The following TMEM132D variants were observed in gnomAD, a reference collection of about 807,000 sequenced individuals.
The protein encoded by TMEM132D is mature OL transmembrane protein.
TMEM132D carries 21 observed loss-of-function variants against 62.3 expected under a neutral mutation model. The ratio of observed to expected loss-of-function variants is 0.34; its 90% CI spans 0.24 to 0.49. TMEM132D has a LOEUF of 0.49. Among genes scored for constraint, TMEM132D ranks in the 20% least tolerant of loss-of-function variants. The probability of loss-of-function intolerance (pLI) is 0.99; values close to 1 mark genes in which losing one functional copy is unlikely to be tolerated. For missense variants in TMEM132D, 1,346 were observed against 1,402.8 expected, an observed-to-expected ratio of 0.96 and a Z score of 0.65; for synonymous variants, 621 against 575.6, an observed-to-expected ratio of 1.08 and a Z score of -1.13.
intron 3 of TMEM132D, among the ~76,000 whole-genome samples, chr12:129,415,384 A>G (rs1327971600): frequency 6.6e-6 from 1 of 152,190 alleles, no homozygotes; most frequent in African/African-American, 2.4e-5. Flanking sequence ...GTGAGGGGCT[A>G]TCTCATAGTA....
chr12:129,796,751 G>A (rs1028712102), intron 1 of TMEM132D, among the ~76,000 whole-genome samples: 2 of 152,074 alleles, frequency 1.3e-5, no homozygotes. Flanking sequence ...TAAGGGGAGG[G>A]GTAGCATTAG....
chr12:129,897,667 T>G lies in TMEM132D; in HGVS notation c.79+5594A>C, dbSNP rs1253832661. Among the ~76,000 whole-genome samples, 5 of 152,254 alleles carry G rather than the reference T, an allele frequency of 3.3e-5. No homozygotes were observed. In the East Asian group the frequency reaches 9.6e-4, roughly 29 times the overall value. On this transcript the variant is annotated intron_variant, in intron 1 of 8. Coordinates refer to ENST00000422113, the MANE Select transcript of TMEM132D (RefSeq NM_133448.3). ...CCTCCCTGGTGGTCTTGGAAGTAAA[T>G]CCCCATTTTAATCCCTTTCAGGTGT... is the stretch of plus-strand genomic sequence containing the variant.
At chr12:129,220,021 T>C (rs958236719) in intron 4 of TMEM132D, among the ~76,000 whole-genome samples, 2 of 152,214 alleles carry the variant, frequency 1.3e-5, no homozygotes, top group African/African-American at 4.8e-5. Context: ...TTTCTCATCA[T>C]ATTTACCCAT....
At chr12:129,645,532 T>A (rs1484790408) in intron 2 of TMEM132D, among the ~76,000 whole-genome samples, 1 of 152,218 alleles carries the variant, frequency 6.6e-6, no homozygotes, top group Non-Finnish European at 1.5e-5. Flanking sequence ...GGGGCCAATT[T>A]CTATGGCCCT....
At chr12:129,881,783 G>C (rs1874605113) in intron 1 of TMEM132D, among the ~76,000 whole-genome samples, 1 of 151,790 alleles carries the variant, frequency 6.6e-6, no homozygotes, top group Admixed American at 6.6e-5. Flanking sequence ...AATAGTATTA[G>C]AGCAGAAATC....
chr12:129,506,303 A>T (rs900065049), intron 3 of TMEM132D, among the ~76,000 whole-genome samples: 3 of 152,176 alleles, frequency 2.0e-5, no homozygotes, highest in Non-Finnish European at 4.4e-5. Context: ...TTACAAATTG[A>T]ATGCAATTCC....
chr12:129,653,653 T>C (rs765610774), intron 2 of TMEM132D, among the ~76,000 whole-genome samples: 5 of 152,214 alleles, frequency 3.3e-5, no homozygotes, highest in Non-Finnish European at 7.3e-5. Context: ...CCAACCCTTA[T>C]TGTTGTCATT....
intron 4 of TMEM132D, among the ~76,000 whole-genome samples, chr12:129,330,601 G>A (rs893617874): frequency 6.6e-6 from 1 of 152,188 alleles, no homozygotes; most frequent in African/African-American, 2.4e-5. Context: ...GGCATTGTAA[G>A]AGGAGGCAGA....
At chr12:129,558,772 G>A (rs1479147212) in intron 2 of TMEM132D, among the ~76,000 whole-genome samples, 2 of 152,172 alleles carry the variant, frequency 1.3e-5, no homozygotes, top group Non-Finnish European at 2.9e-5. Flanking sequence ...GACTGGAGAA[G>A]CGTTGCATTT....
chr12:129,578,519 A>T (rs551225423), intron 2 of TMEM132D, among the ~76,000 whole-genome samples: 1 of 151,910 alleles, frequency 6.6e-6, no homozygotes, highest in Non-Finnish European at 1.5e-5. Context: ...ACATGCGCAC[A>T]CACACACATA....
chr12:129,847,693 C>G (rs1044843418), intron 1 of TMEM132D, among the ~76,000 whole-genome samples: 1 of 152,130 alleles, frequency 6.6e-6, no homozygotes, highest in African/African-American at 2.4e-5. Context: ...TTTGACCTCC[C>G]TGCAGAACGG....
At position 129,074,024 on chromosome 12, in the gene TMEM132D, T is replaced by A. The variant is rs1874162857; in HGVS notation, c.3151A>T (p.Thr1051Ser). Reference sequence around the variant, plus strand: ...TACTCGTCGTCTGAGGAGACGGCGGTGAAGGTGGTAAATTTTACCCTTTTC... The same window carrying A: ...TACTCGTCGTCTGAGGAGACGGCGGAGAAGGTGGTAAATTTTACCCTTTTC... ...KRKRVKFTTF[T>S]AVSSDDEYPT... The change falls in exon 9 of 9, where the codon ACC becomes TCC. Residue 1051 changes from threonine to serine, a missense_variant. Physicochemically the swap from Thr to Ser is moderately conservative, Grantham distance 58. Transcript: ENST00000422113. 6.2e-7 allele frequency: 1 copy of A among 1,613,992 alleles called. No homozygotes were observed. The highest frequency in any genetic ancestry group is 8.5e-7 in the Non-Finnish European group (1 of 1,179,938).
rs1463915682 is a variant in TMEM132D, at chr12:129,189,623, A to C, written c.1443+19897T>G. 3.3e-5 allele frequency among the ~76,000 whole-genome samples: 5 copies of C among 152,176 alleles called. No homozygotes were observed. In the East Asian group the frequency reaches 9.6e-4, roughly 29 times the overall value. On this transcript the variant is annotated intron_variant, in intron 5 of 8. Coordinates refer to ENST00000422113, the MANE Select transcript of TMEM132D (RefSeq NM_133448.3). ...GCTGGGAGTCCCCACGGGAAATCAC[A>C]GGAGAATGCACTTCACATTTCCCTC...
intron 3 of TMEM132D, among the ~76,000 whole-genome samples, chr12:129,362,894 C>G (rs1203003377): frequency 6.6e-6 from 1 of 152,194 alleles, no homozygotes; most frequent in African/African-American, 2.4e-5. Flanking sequence ...CTTTGAAGTA[C>G]CAGCTCTGCC....
rs145517027 is a variant in TMEM132D at position 129,673,654 on chromosome 12, G to A, written c.968+26156C>T. On this transcript the variant is annotated intron_variant, in intron 2 of 8. Coordinates refer to ENST00000422113, the MANE Select transcript of TMEM132D (RefSeq NM_133448.3). ...CTTACATTCTTGCAAGAGACAGTGA[G>A]GAGACAGTCAAAGAACCATATTGAC... Among the ~76,000 whole-genome samples, 479 of 152,300 alleles carry A rather than the reference G, an allele frequency of 3.1e-3. 1 individual carries two copies. Among genetic ancestry groups the A allele is most frequent in the African/African-American group, 0.011 (449 of 41,564 alleles).
intron 1 of TMEM132D, among the ~76,000 whole-genome samples, chr12:129,731,029 A>C (rs1254321226): frequency 6.6e-6 from 1 of 152,022 alleles, no homozygotes; most frequent in Non-Finnish European, 1.5e-5. Flanking sequence ...TTATATATAC[A>C]TCTATCCTAT....
At chr12:129,507,962 C>T (rs566982758) in intron 3 of TMEM132D, among the ~76,000 whole-genome samples, 7 of 152,224 alleles carry the variant, frequency 4.6e-5, no homozygotes, top group Admixed American at 2.0e-4. Context: ...CCACTATCAA[C>T]TCAGCATCAT....
intron 1 of TMEM132D, among the ~76,000 whole-genome samples, chr12:129,760,752 C>A (rs778875133): frequency 6.6e-6 from 1 of 151,814 alleles, no homozygotes; most frequent in Non-Finnish European, 1.5e-5. Flanking sequence ...CCATCAACCC[C>A]TCCTCTAGGT....
At chr12:129,542,078 A>C (rs2137098414) in intron 2 of TMEM132D, among the ~76,000 whole-genome samples, 1 of 152,344 alleles carries the variant, frequency 6.6e-6, no homozygotes, top group South Asian at 2.1e-4. Context: ...AATGTAGCCA[A>C]GTCAATCACC....
Sources: allele counts gnomAD v4.1 joint callset (sites outside exome capture counted in the v4.1 genomes callset), GRCh38; gene constraint gnomAD v4.1.1; transcripts MANE v1.5; gene names NCBI Gene and HGNC (gene_info 2026-07-23, HGNC 2026-07-21).